Variants in PLCL2 observed in about 807,000 individuals in gnomAD.
PLCL2 encodes inactive phospholipase C-like protein 2.
A neutral mutation model predicts 79.6 loss-of-function variants in PLCL2; 4 were observed. The ratio of observed to expected loss-of-function variants is 0.05; its 90% CI spans 0.02 to 0.11. The LOEUF (loss-of-function observed/expected upper bound fraction) is 0.11. PLCL2 is among the 10% of genes least tolerant of loss of function. The probability of loss-of-function intolerance (pLI) is 1.00; values close to 1 mark genes in which losing one functional copy is unlikely to be tolerated. For synonymous variants in PLCL2, 484 were observed against 457.7 expected, an observed-to-expected ratio of 1.06 and a Z score of -0.73; for missense variants, 895 against 1,291.0, an observed-to-expected ratio of 0.69 and a Z score of 4.70.
At chr3:16,999,304 G>T (rs1387777444) in intron 1 of PLCL2, among the ~76,000 whole-genome samples, 1 of 152,164 alleles carries the variant, frequency 6.6e-6, no homozygotes, top group African/African-American at 2.4e-5. Flanking sequence ...CTCAGAGAGG[G>T]TGACGTTCAT....
intron 1 of PLCL2, among the ~76,000 whole-genome samples, chr3:16,894,397 C>T (rs1696422037): frequency 6.6e-6 from 1 of 152,044 alleles, no homozygotes; most frequent in African/African-American, 2.4e-5. Context: ...CCAAAGCTTT[C>T]CCTGGTTTAT....
chr3:16,946,033 G>A (rs937846199), intron 1 of PLCL2, among the ~76,000 whole-genome samples: 8 of 152,068 alleles, frequency 5.3e-5, no homozygotes, highest in African/African-American at 1.2e-4. Context: ...GAACAGTGGC[G>A]GTCCATAAAC....
At chr3:17,025,612 G>A (rs1267975742) in intron 3 of PLCL2, among the ~76,000 whole-genome samples, 2 of 152,168 alleles carry the variant, frequency 1.3e-5, no homozygotes, top group African/African-American at 2.4e-5. Flanking sequence ...AAATGTGATT[G>A]TTGACACCTA....
At chr3:17,063,012 G>A (rs1021581267) in intron 4 of PLCL2, among the ~76,000 whole-genome samples, 1 of 151,690 alleles carries the variant, frequency 6.6e-6, no homozygotes, top group Non-Finnish European at 1.5e-5. Flanking sequence ...GGCCACATAA[G>A]CTAAGAGCCA....
intron 1 of PLCL2, among the ~76,000 whole-genome samples, chr3:16,977,218 T>C (rs893714238): frequency 1.3e-5 from 2 of 152,180 alleles, no homozygotes; most frequent in African/African-American, 4.8e-5. Flanking sequence ...GTATTTTCTT[T>C]TTCTCCTGAG....
chr3:16,957,486 T>C (rs1214546892), intron 1 of PLCL2, among the ~76,000 whole-genome samples: 2 of 152,200 alleles, frequency 1.3e-5, no homozygotes, highest in Non-Finnish European at 2.9e-5. Flanking sequence ...GGTGTGGTGC[T>C]GAAAAAAATG....
intron 1 of PLCL2, among the ~76,000 whole-genome samples, chr3:16,960,432 C>T (rs976093366): frequency 8.5e-5 from 13 of 152,202 alleles, no homozygotes; most frequent in African/African-American, 3.1e-4. Context: ...AATCATCTAG[C>T]TGTTCCTTAT....
chr3:17,055,992 G>A (rs1319137232), intron 4 of PLCL2, among the ~76,000 whole-genome samples: 2 of 152,138 alleles, frequency 1.3e-5, no homozygotes, highest in Non-Finnish European at 2.9e-5. Context: ...CCCTTCCCGG[G>A]GTACCTGTTC....
intron 5 of PLCL2, among the ~76,000 whole-genome samples, chr3:17,074,979 G>A (rs1432323787): frequency 1.3e-5 from 2 of 152,190 alleles, no homozygotes; most frequent in African/African-American, 4.8e-5. Flanking sequence ...TCATTCATGA[G>A]TTCAGTAGAA....
intron 1 of PLCL2, among the ~76,000 whole-genome samples, chr3:17,006,063 C>T (rs1342944458): frequency 6.6e-6 from 1 of 152,210 alleles, no homozygotes; most frequent in African/African-American, 2.4e-5. Flanking sequence ...GAGTATTATG[C>T]ATTTAATGTT....
chr3:17,023,378 GA>G lies in PLCL2; in HGVS notation c.3018+8469del, dbSNP rs541950934. Among the ~76,000 whole-genome samples, 16 of 152,252 alleles carry G rather than the reference GA, an allele frequency of 1.1e-4. No homozygotes were observed. The South Asian group carries it at 3.3e-3, about 32-fold the overall frequency. ...TGTGTCCCCACCCAAATCTCAACTT[GA>G]ATTGTATCTCCCAGAATTCCCCCGT... On this transcript the variant is annotated intron_variant, in intron 3 of 5. Transcript: ENST00000615277.
At chr3:16,967,216 T>G (rs147071397) in intron 1 of PLCL2, among the ~76,000 whole-genome samples, 44 of 152,286 alleles carry the variant, frequency 2.9e-4, no homozygotes, top group African/African-American at 1.0e-3. Flanking sequence ...TGAGTAGTCC[T>G]GCAGTGAACA....
intron 4 of PLCL2, among the ~76,000 whole-genome samples, chr3:17,047,909 C>T (rs1263414649): frequency 6.6e-6 from 1 of 152,094 alleles, no homozygotes; most frequent in African/African-American, 2.4e-5. Context: ...TTGTATACTG[C>T]TCTTTTTTTC....
At chr3:17,068,088 T>C in intron 5 of PLCL2, 23 bp downstream of exon 5, 2 of 1,348,232 alleles carry the variant, frequency 1.5e-6, no homozygotes, top group Non-Finnish European at 1.1e-6. Flanking sequence ...TTGTTTCTGA[T>C]GCTGGTGATT....
chr3:16,961,395 A>G (rs1349173951), intron 1 of PLCL2, among the ~76,000 whole-genome samples: 1 of 152,244 alleles, frequency 6.6e-6, no homozygotes, highest in Admixed American at 6.5e-5. Context: ...TAGTCTACCG[A>G]TAGAGACTGA....
chr3:16,914,005 C>G (rs1696938661), intron 1 of PLCL2, among the ~76,000 whole-genome samples: 1 of 152,182 alleles, frequency 6.6e-6, no homozygotes, highest in Non-Finnish European at 1.5e-5. Context: ...TTCTCTGATC[C>G]TGGGGCCCTT....
intron 1 of PLCL2, among the ~76,000 whole-genome samples, chr3:16,980,293 T>C (rs13072853): frequency 0.37 from 49,693 of 134,310 alleles, 8,965 homozygotes; most frequent in African/African-American, 0.43. Flanking sequence ...CACCTCCCTC[T>C]TGGACGGGGC....
chr3:16,943,272 A>G (rs774551298), intron 1 of PLCL2, among the ~76,000 whole-genome samples: 19 of 152,232 alleles, frequency 1.2e-4, no homozygotes, highest in Non-Finnish European at 2.6e-4. Flanking sequence ...ATGAGTTATT[A>G]ACTGTGAGAA....
At chr3:16,955,232 G>A (rs2124963080) in intron 1 of PLCL2, among the ~76,000 whole-genome samples, 1 of 152,286 alleles carries the variant, frequency 6.6e-6, no homozygotes, top group East Asian at 1.9e-4. Context: ...TCCAGTTTCA[G>A]CTTTCTACAT....
Sources: gnomAD v4.1 joint callset for allele counts (sites outside exome capture counted in the v4.1 genomes callset) on GRCh38, gnomAD v4.1.1 for gene constraint, MANE v1.5 for transcripts, NCBI Gene and HGNC (gene_info 2026-07-23, HGNC 2026-07-21) for gene names.